Variants in SMAD9 observed in about 807,000 individuals in gnomAD.
The protein encoded by SMAD9 is SMAD family member 9.
SMAD9 carries 36 observed loss-of-function variants against 46.1 expected under a neutral mutation model. That is an observed-to-expected ratio of 0.78 (90% confidence interval 0.60 to 1.03). The LOEUF is 1.03. SMAD9 is among the 50% of genes least tolerant of loss of function. The pLI is 0.00. For missense variants in SMAD9, 572 were observed against 599.8 expected, an observed-to-expected ratio of 0.95 and a Z score of 0.48; for synonymous variants, 245 against 237.1, an observed-to-expected ratio of 1.03 and a Z score of -0.31.
chr13:36,907,218 G>A (rs1467603578), intron 1 of SMAD9, among the ~76,000 whole-genome samples: 4 of 152,162 alleles, frequency 2.6e-5, no homozygotes, highest in Admixed American at 6.5e-5. Flanking sequence ...GTAGAATGAA[G>A]GTTACCAGGT....
In SMAD9 at chr13:36,869,347, G is replaced by A. The variant is rs533602433; in HGVS notation, c.671-1964C>T. On this transcript the variant is annotated intron_variant, in intron 3 of 6. Transcript: ENST00000379826. Reference sequence around the variant, plus strand: ...AAGCGATTCTCGTGCCTCAGTCTCCGGAGTAGCTGAATTACAGACATGCAC... The same window carrying A: ...AAGCGATTCTCGTGCCTCAGTCTCCAGAGTAGCTGAATTACAGACATGCAC... 9.1e-4 allele frequency among the ~76,000 whole-genome samples: 139 copies of A among 151,928 alleles called. 1 individual carries two copies. The highest frequency in any genetic ancestry group is 3.1e-3 in the African/African-American group (128 of 41,434).
intron 6 of SMAD9, among the ~76,000 whole-genome samples, chr13:36,850,674 C>T (rs1037915827): frequency 1.2e-4 from 18 of 152,158 alleles, no homozygotes; most frequent in African/African-American, 3.6e-4. Context: ...CCACCACGCC[C>T]GGCTCTTCTC....
At position 36,848,702 on chromosome 13, in the gene SMAD9, G is replaced by A. The variant is rs1050478725; in HGVS notation, c.1378C>T (p.His460Tyr). Residue 460 changes from histidine (H) to tyrosine (Y), a missense_variant, in exon 7 of 7, where the codon CAT becomes TAT. By Grantham distance (83) the His-to-Tyr change is moderately conservative (BLOSUM62 2). Coordinates refer to ENST00000379826, the MANE Select transcript of SMAD9 (RefSeq NM_001127217.3). ...DKVLTQMGSP[H>Y]NPISSVS ...TAAGACACTGAAGAAATGGGGTTAT[G>A]TGGAGAGCCCATCTGAGTCAGAACT... 7 of 1,614,016 alleles carry A rather than the reference G, an allele frequency of 4.3e-6. No individual in the cohort carries two copies. The highest frequency in any genetic ancestry group is 5.9e-6 in the Non-Finnish European group (7 of 1,179,972).
chr13:36,870,553 T>C (rs1303963176), intron 3 of SMAD9, among the ~76,000 whole-genome samples: 1 of 151,140 alleles, frequency 6.6e-6, no homozygotes. Context: ...CCTGGACTGC[T>C]ACAGGCTACC....
chr13:36,911,625 G>A lies in SMAD9; in HGVS notation c.-187+8491C>T, dbSNP rs999064032. Among the ~76,000 whole-genome samples the A allele has an allele frequency of 7.3e-3, 965 of 133,056 alleles. 54 individuals carry two copies. The highest frequency in any genetic ancestry group is 0.024 in the African/African-American group (889 of 37,342). 87.3% of individuals were successfully genotyped at this position (133,056 alleles called of 152,430 possible). Reference sequence around the variant, plus strand: ...CGGCCAAAGGCTGCCTGGGGGGGGGGGGGGCGGGTGGAGTTCATAAACTGA... The same window carrying A: ...CGGCCAAAGGCTGCCTGGGGGGGGGAGGGGCGGGTGGAGTTCATAAACTGA... On this transcript the variant is annotated intron_variant, in intron 1 of 6. Transcript: ENST00000379826.
Position 36,906,402 on chromosome 13 carries a change from CGA to C in SMAD9, c.-187+13712_-187+13713del, listed in dbSNP as rs1217879027. 2.6e-5 allele frequency among the ~76,000 whole-genome samples: 4 copies of C among 152,104 alleles called. No homozygotes were observed. In the East Asian group the frequency reaches 7.7e-4, roughly 29 times the overall value. ...ATAAATGGAAAAAAATGCAGTTTCT[CGA>C]GAAATACCTCACTAAAAACCATATT... On this transcript the variant is annotated intron_variant, in intron 1 of 6. Coordinates refer to ENST00000379826, the MANE Select transcript of SMAD9 (RefSeq NM_001127217.3).
chr13:36,903,354 T>G (rs1263459620), intron 1 of SMAD9, among the ~76,000 whole-genome samples: 1 of 152,108 alleles, frequency 6.6e-6, no homozygotes, highest in Non-Finnish European at 1.5e-5. Flanking sequence ...CTTGAACTCC[T>G]GACCTCGTGA....
At position 36,848,516 on chromosome 13, in the gene SMAD9, TAGAA is replaced by T. The variant is rs1473335340; in HGVS notation, c.*156_*159del. On this transcript the variant is annotated 3_prime_UTR_variant, in exon 7 of 7. Coordinates refer to ENST00000379826, the MANE Select transcript of SMAD9 (RefSeq NM_001127217.3). ...TGCACTGTACTGGCATCAGGTTAACTAGAAAGCACAAAACAAACGGTGATTAAAA... is the reference window on the plus strand; with the variant it reads ...TGCACTGTACTGGCATCAGGTTAACTAGCACAAAACAAACGGTGATTAAAA... 1.3e-5 allele frequency: 10 copies of T among 765,310 alleles called. No individual in the cohort carries two copies. Among genetic ancestry groups the T allele is most frequent in the Non-Finnish European group, 2.2e-5 (10 of 446,494 alleles). 47.4% of individuals were successfully genotyped at this position (765,310 alleles called of 1,614,324 possible). A position where few individuals can be genotyped will look rare whatever the true frequency, so the allele number is the denominator to read the frequency against.
chr13:36,888,756 A>G lies in SMAD9; in HGVS notation c.-186-8881T>C, dbSNP rs577845428. Among the ~76,000 whole-genome samples the G allele has an allele frequency of 2.8e-4, 43 of 152,312 alleles. No individual in the cohort carries two copies. The South Asian group carries it at 8.5e-3, about 30-fold the overall frequency. ...TGACACTTGGCACCTGGAAGTGAGG[A>G]AGTGGGGAGACATTCTGAAATGGGA... On this transcript the variant is annotated intron_variant, in intron 1 of 6. Coordinates refer to ENST00000379826, the MANE Select transcript of SMAD9 (RefSeq NM_001127217.3).
intron 1 of SMAD9, among the ~76,000 whole-genome samples, chr13:36,902,342 A>G (rs2058583228): frequency 1.3e-5 from 2 of 152,196 alleles, no homozygotes. Context: ...TGGACTTTCA[A>G]TTCTATTCCA....
chr13:36,906,936 C>T (rs895089591), intron 1 of SMAD9, among the ~76,000 whole-genome samples: 2 of 152,118 alleles, frequency 1.3e-5, no homozygotes, highest in Non-Finnish European at 2.9e-5. Flanking sequence ...AAAATAGGTA[C>T]TCAATGTTCA....
intron 1 of SMAD9, among the ~76,000 whole-genome samples, chr13:36,880,744 C>T (rs1438888112): frequency 2.0e-5 from 3 of 151,886 alleles, no homozygotes; most frequent in Non-Finnish European, 2.9e-5. Flanking sequence ...AATCTAGGTG[C>T]CATTTATTAA....
intron 1 of SMAD9, among the ~76,000 whole-genome samples, chr13:36,909,611 A>G (rs1012406580): frequency 6.6e-6 from 1 of 152,224 alleles, no homozygotes; most frequent in Admixed American, 6.5e-5. Context: ...TCCAGAAGCA[A>G]GAGGCAACAT....
intron 1 of SMAD9, among the ~76,000 whole-genome samples, chr13:36,895,904 C>T (rs2058523861): frequency 6.6e-6 from 1 of 152,072 alleles, no homozygotes; most frequent in Admixed American, 6.5e-5. Flanking sequence ...TTGGGATTTC[C>T]ACCTAAGCAG....
At chr13:36,852,240 A>AT in intron 6 of SMAD9, 1 of 911,308 alleles carries the variant, frequency 1.1e-6, no homozygotes, top group Non-Finnish European at 1.3e-6. Flanking sequence ...ATTATTTGTC[A>AT]TGGTAATTTT....
chr13:36,897,146 A>T (rs575188598), intron 1 of SMAD9, among the ~76,000 whole-genome samples: 1 of 152,306 alleles, frequency 6.6e-6, no homozygotes, highest in East Asian at 1.9e-4. Flanking sequence ...CATAAGTTCT[A>T]TGGTAATGTG....
chr13:36,893,389 C>CATATATATATATATATATATATATATAT lies in SMAD9; in HGVS notation c.-186-13515_-186-13514insATATATATATATATATATATATATATAT, dbSNP rs538703517. On this transcript the variant is annotated intron_variant, in intron 1 of 6. Coordinates refer to ENST00000379826, the MANE Select transcript of SMAD9 (RefSeq NM_001127217.3). ...CCACTTCCCTAAAGAAACTATTGTA[C>CATATATATATATATATATATATATATAT]ATATATATATATATTTCCCCCTTCA... Among the ~76,000 whole-genome samples the CATATATATATATATATATATATATATAT allele has an allele frequency of 2.1e-5, 3 of 146,294 alleles. No homozygotes were observed. In the South Asian group the frequency reaches 6.5e-4, roughly 31 times the overall value.
intron 3 of SMAD9, among the ~76,000 whole-genome samples, chr13:36,868,952 C>G (rs751911294): frequency 6.6e-6 from 1 of 151,808 alleles, no homozygotes; most frequent in Non-Finnish European, 1.5e-5. Flanking sequence ...AGATGAACTA[C>G]CGATATATGC....
intron 1 of SMAD9, among the ~76,000 whole-genome samples, chr13:36,887,932 T>C (rs573331905): frequency 1.3e-5 from 2 of 151,794 alleles, no homozygotes; most frequent in African/African-American, 2.4e-5. Context: ...AAGGAAAAGG[T>C]AGGAAGTAGC....
Sources: allele counts gnomAD v4.1 joint callset (sites outside exome capture counted in the v4.1 genomes callset), GRCh38; gene constraint gnomAD v4.1.1; transcripts MANE v1.5; gene names NCBI Gene and HGNC (gene_info 2026-07-23, HGNC 2026-07-21).